CAPN7: variants seen among roughly 807,000 people sequenced by gnomAD.
CAPN7 encodes calpain-7.
In CAPN7, 72 loss-of-function variants were observed where a neutral mutation model predicts 115.2. The ratio of observed to expected loss-of-function variants is 0.63; its 90% CI spans 0.52 to 0.76. The LOEUF (loss-of-function observed/expected upper bound fraction) is 0.76. Ranked by LOEUF, CAPN7 falls within the 30% of genes least tolerant of loss-of-function variation. The probability of loss-of-function intolerance (pLI) is 0.00; values close to 1 mark genes in which losing one functional copy is unlikely to be tolerated. For synonymous variants in CAPN7, 344 were observed against 322.3 expected (o/e 1.07, Z -0.72); for missense variants, 905 against 971.5 (o/e 0.93, Z 0.91).
chr3:15,208,152 G>A lies in CAPN7; in HGVS notation c.102+1555G>A, dbSNP rs1411849118. 2.7e-5 allele frequency among the ~76,000 whole-genome samples: 4 copies of A among 150,764 alleles called. No homozygotes were observed. In the East Asian group the frequency reaches 7.8e-4, roughly 29 times the overall value. On this transcript the variant is annotated intron_variant, in intron 1 of 20. Coordinates refer to ENST00000253693, the MANE Select transcript of CAPN7 (RefSeq NM_014296.3). ...TCATATATTCAGTCTGTTGTTGACTGAAATGTTATGTGGTGTGTGACTATA... is the reference window on the plus strand; with the variant it reads ...TCATATATTCAGTCTGTTGTTGACTAAAATGTTATGTGGTGTGTGACTATA...
chr3:15,221,640 C>A lies in CAPN7; in HGVS notation c.638+659C>A, dbSNP rs1693995617. Among the ~76,000 whole-genome samples the A allele has an allele frequency of 2.0e-5, 3 of 151,008 alleles. No homozygotes were observed. In the South Asian group the frequency reaches 6.2e-4, roughly 31 times the overall value. Reference sequence around the variant, plus strand: ...ACTCTTAATCTATGCAACTTTGTAACCAGAGCCCTAATGGGAGAAAAAATG... The same window carrying A: ...ACTCTTAATCTATGCAACTTTGTAAACAGAGCCCTAATGGGAGAAAAAATG... On this transcript the variant is annotated intron_variant, in intron 5 of 20. Coordinates refer to ENST00000253693, the MANE Select transcript of CAPN7 (RefSeq NM_014296.3).
chr3:15,237,168 T>C (rs114163425), intron 12 of CAPN7, among the ~76,000 whole-genome samples: 11,975 of 152,288 alleles, frequency 0.079, 611 homozygotes, highest in Non-Finnish European at 0.11. Flanking sequence ...TTTCTGGCTC[T>C]GTAATAACAA....
intron 1 of CAPN7, among the ~76,000 whole-genome samples, chr3:15,210,471 A>G (rs1051291041): frequency 6.8e-6 from 1 of 147,412 alleles, no homozygotes; most frequent in African/African-American, 2.7e-5. Context: ...ATGTAAAGTT[A>G]TACTTTCCTC....
In CAPN7 at chr3:15,240,771, T is replaced by A; in HGVS notation, c.1570T>A (p.Trp524Arg). 8 of 1,609,074 alleles carry A rather than the reference T, an allele frequency of 5.0e-6. No individual in the cohort carries two copies. Among genetic ancestry groups the A allele is most frequent in the Non-Finnish European group, 5.9e-6 (7 of 1,177,556 alleles). The change falls in exon 14 of 21, where the codon TGG becomes AGG. Residue 524 changes from tryptophan to arginine, a missense_variant. This residue lies in a region of CAPN7 where 620 missense variants were observed against 703.4 expected (regional missense o/e 0.88). Coordinates refer to ENST00000253693, the MANE Select transcript of CAPN7 (RefSeq NM_014296.3). ...ATTTTCAGGAATATTTTGGATTTCC[T>A]GGGATGATCTCTGCCAGTATTATGA... ...KIDNGIFWIS[W>R]DDLCQYYDVI...
chr3:15,242,067 T>TA (rs1312218129), intron 15 of CAPN7, 111 bp from the exon 16 acceptor site: 6 of 704,068 alleles, frequency 8.5e-6, no homozygotes, highest in Admixed American at 6.3e-5. Flanking sequence ...CTCTTAAAAT[T>TA]AGAGATTTTT....
chr3:15,248,595 C>T (rs556579322), intron 19 of CAPN7, among the ~76,000 whole-genome samples: 5 of 152,258 alleles, frequency 3.3e-5, no homozygotes, highest in African/African-American at 1.2e-4. Context: ...ATTTGTTGAT[C>T]TGGGTGATGG....
At chr3:15,233,719 A>G (rs1339863716) in intron 10 of CAPN7, 148 bp from the exon 11 acceptor site, 19 of 545,604 alleles carry the variant, frequency 3.5e-5, no homozygotes, top group East Asian at 3.5e-5. Flanking sequence ...TGAGTTAAAT[A>G]AGAAATATAT....
At chr3:15,213,390 T>C (rs1438594060) in intron 2 of CAPN7, among the ~76,000 whole-genome samples, 1 of 152,232 alleles carries the variant, frequency 6.6e-6, no homozygotes, top group East Asian at 1.9e-4. Flanking sequence ...TGACAGTCCA[T>C]GTCCTCAGGA....
At chr3:15,236,132 C>A (rs1694981631) in intron 12 of CAPN7, among the ~76,000 whole-genome samples, 1 of 152,170 alleles carries the variant, frequency 6.6e-6, no homozygotes, top group African/African-American at 2.4e-5. Context: ...GATCACACCA[C>A]TGTGCTTCAG....
chr3:15,220,087 G>C (rs1693877650), intron 4 of CAPN7, among the ~76,000 whole-genome samples: 1 of 152,032 alleles, frequency 6.6e-6, no homozygotes, highest in Non-Finnish European at 1.5e-5. Flanking sequence ...TATAATCCCA[G>C]CTACTCAGAA....
Position 15,251,404 on chromosome 3 carries a change from C to T in CAPN7, c.*144C>T. 1.5e-6 allele frequency: 1 copy of T among 687,966 alleles called. No homozygotes were observed. The highest frequency in any genetic ancestry group is 2.1e-5 in the South Asian group (1 of 46,940). The allele number at this position is 687,966 out of a possible 1,614,324, so 42.6% of individuals were successfully genotyped here. A position where few individuals can be genotyped will look rare whatever the true frequency, so the allele number is the denominator to read the frequency against. On this transcript the variant is annotated 3_prime_UTR_variant, in exon 21 of 21. Transcript: ENST00000253693. ...TGTTACAGTGGAATCTGGTGCTTGT[C>T]AGGGTGTTTGGTAAGAACTGTATAT...
chr3:15,226,162 G>A (rs1480738569), intron 6 of CAPN7, among the ~76,000 whole-genome samples: 1 of 151,934 alleles, frequency 6.6e-6, no homozygotes, highest in Non-Finnish European at 1.5e-5. Context: ...TGCAACCTCC[G>A]TCTCCCAGAT....
At chr3:15,232,215 A>G in intron 9 of CAPN7, 1 of 344,714 alleles carries the variant, frequency 2.9e-6, no homozygotes, top group Non-Finnish European at 5.5e-6. Flanking sequence ...ATTTTGGAGC[A>G]TTTCAAATTT....
intron 16 of CAPN7, 75 bp downstream of exon 16, chr3:15,242,328 A>G: frequency 1.0e-6 from 1 of 953,672 alleles, no homozygotes. Context: ...TTGAAAAATG[A>G]CACATTTTAT....
At chr3:15,218,062 G>T (rs1482621575) in intron 3 of CAPN7, among the ~76,000 whole-genome samples, 1 of 152,188 alleles carries the variant, frequency 6.6e-6, no homozygotes, top group African/African-American at 2.4e-5. Context: ...TATTTGACAG[G>T]AGGATGAGGT....
intron 12 of CAPN7, among the ~76,000 whole-genome samples, chr3:15,237,358 C>G (rs796862789): frequency 5.9e-5 from 9 of 152,268 alleles, no homozygotes; most frequent in African/African-American, 2.2e-4. Flanking sequence ...TTTTCCAGCT[C>G]CATTATAATC....
intron 9 of CAPN7, chr3:15,232,030 G>A (rs1242947568): frequency 1.6e-5 from 4 of 257,948 alleles, no homozygotes; most frequent in South Asian, 1.5e-4. Flanking sequence ...AATAATATAG[G>A]TTGAGTATCC....
chr3:15,223,188 G>A (rs1316603645), intron 5 of CAPN7, among the ~76,000 whole-genome samples: 1 of 152,024 alleles, frequency 6.6e-6, no homozygotes, highest in South Asian at 2.1e-4. Context: ...CATAGAATTG[G>A]TTTTGTGTCT....
At position 15,206,449 on chromosome 3, in the gene CAPN7, C is replaced by A; in HGVS notation, c.-47C>A. The A allele has an allele frequency of 7.1e-7, 1 of 1,409,954 alleles. No homozygotes were observed. Among genetic ancestry groups the A allele is most frequent in the Non-Finnish European group, 9.7e-7 (1 of 1,029,022 alleles). 87.3% of individuals were successfully genotyped at this position (1,409,954 alleles called of 1,614,324 possible). A position where few individuals can be genotyped will look rare whatever the true frequency, so the allele number is the denominator to read the frequency against. ...GCCGCCGCAGTCCGCGAAGAGCCGT[C>A]CTGCGTCAGGGCCTCCTTCCCTGCC... On this transcript the variant is annotated 5_prime_UTR_variant, in exon 1 of 21. Transcript: ENST00000253693.
Sources: allele counts gnomAD v4.1 joint callset (sites outside exome capture counted in the v4.1 genomes callset), GRCh38; gene constraint gnomAD v4.1.1; regional missense constraint gnomAD v4.1.1; transcripts MANE v1.5; gene names NCBI Gene and HGNC (gene_info 2026-07-23, HGNC 2026-07-21).